Variants in ABTB2 observed in about 807,000 individuals in gnomAD.
The protein encoded by ABTB2 is ankyrin repeat and BTB domain containing 2.
A neutral mutation model predicts 104.1 loss-of-function variants in ABTB2; 56 were observed. The observed-to-expected ratio is 0.54, with a 90% confidence interval of 0.43 to 0.67. The LOEUF (loss-of-function observed/expected upper bound fraction) is 0.67, where lower values mean the gene tolerates loss of function less well. Among genes scored for constraint, ABTB2 ranks in the 30% least tolerant of loss-of-function variants. The pLI is 0.00. For synonymous variants in ABTB2, 606 were observed against 608.2 expected, an observed-to-expected ratio of 1.00 and a Z score of 0.05; for missense variants, 1,279 against 1,407.7, an observed-to-expected ratio of 0.91 and a Z score of 1.46.
chr11:34,245,960 A>G (rs1853978795), intron 1 of ABTB2, among the ~76,000 whole-genome samples: 1 of 152,206 alleles, frequency 6.6e-6, no homozygotes, highest in Non-Finnish European at 1.5e-5. Flanking sequence ...AGCAGGGGAG[A>G]GAGGCCCTCC....
chr11:34,244,424 A>G lies in ABTB2; in HGVS notation c.884-39734T>C, dbSNP rs117372422. On this transcript the variant is annotated intron_variant, in intron 1 of 16. Transcript: ENST00000435224. Reference sequence around the variant, plus strand: ...CCCTGCACATTTTTAGCATGTGACTAGAATAATCCACATCAGGGCCCCTAG... The same window carrying G: ...CCCTGCACATTTTTAGCATGTGACTGGAATAATCCACATCAGGGCCCCTAG... Among the ~76,000 whole-genome samples, 15 of 152,344 alleles carry G rather than the reference A, an allele frequency of 9.8e-5. No homozygotes were observed. The East Asian group carries it at 2.9e-3, about 29-fold the overall frequency.
chr11:34,197,540 TG>T lies in ABTB2; in HGVS notation c.1031-3del. ...GCATGGCACGGGAGACCAAGTCACC[TG>T]GTGGGGGGCGGGGAGGGCAGAGGGG... On this transcript the variant is annotated splice_polypyrimidine_tract_variant and splice_region_variant and intron_variant, in intron 2 of 16. Coordinates refer to ENST00000435224, the MANE Select transcript of ABTB2 (RefSeq NM_145804.3). 6.4e-7 allele frequency: 1 copy of T among 1,565,168 alleles called. No individual in the cohort carries two copies. The highest frequency in any genetic ancestry group is 8.6e-7 in the Non-Finnish European group (1 of 1,161,472).
chr11:34,316,207 G>A (rs1445884911), intron 1 of ABTB2, among the ~76,000 whole-genome samples: 1 of 152,172 alleles, frequency 6.6e-6, no homozygotes, highest in African/African-American at 2.4e-5. Flanking sequence ...AGCACCCAAC[G>A]TGAGGCTGTG....
At chr11:34,348,619 C>T (rs1317579899) in intron 1 of ABTB2, among the ~76,000 whole-genome samples, 1 of 152,196 alleles carries the variant, frequency 6.6e-6, no homozygotes, top group Non-Finnish European at 1.5e-5. Context: ...TGACTTCCTT[C>T]CACCCAGACA....
At chr11:34,262,694 T>C (rs1336050549) in intron 1 of ABTB2, among the ~76,000 whole-genome samples, 3 of 152,194 alleles carry the variant, frequency 2.0e-5, no homozygotes, top group African/African-American at 7.2e-5. Flanking sequence ...AGCATTGTCC[T>C]AGCAAAGCTC....
intron 1 of ABTB2, among the ~76,000 whole-genome samples, chr11:34,215,649 C>A (rs1370303498): frequency 6.6e-6 from 1 of 152,216 alleles, no homozygotes; most frequent in African/African-American, 2.4e-5. Flanking sequence ...GTTACTTGAG[C>A]TCTCTGAGCC....
chr11:34,193,217 T>C (rs900150140), intron 3 of ABTB2, among the ~76,000 whole-genome samples: 7 of 152,248 alleles, frequency 4.6e-5, no homozygotes, highest in African/African-American at 1.7e-4. Context: ...TCTCCGGTGA[T>C]GACACACCCT....
At chr11:34,258,615 T>G (rs11032585) in intron 1 of ABTB2, among the ~76,000 whole-genome samples, 2 of 146,720 alleles carry the variant, frequency 1.4e-5, no homozygotes, top group African/African-American at 5.1e-5. Flanking sequence ...CTTTTTTTTT[T>G]TTTTTTTTTT....
rs116632785 is a variant in ABTB2 at position 34,159,303 on chromosome 11, A to G, written c.2690T>C (p.Ile897Thr). The change falls in exon 14 of 17, where the codon ATT becomes ACT. Residue 897 changes from isoleucine to threonine, a missense_variant. Ile to Thr is a moderately conservative substitution (Grantham distance 89). Transcript: ENST00000435224. ...TIEISDMKYH[I>T]FQMMMQYLYY... ...GCACCAAGACCCACACACCTGAAAAATGTGGTACTTCATGTCGCTGATCTC... is the reference window on the plus strand; with the variant it reads ...GCACCAAGACCCACACACCTGAAAAGTGTGGTACTTCATGTCGCTGATCTC... 1.8e-4 allele frequency: 286 copies of G among 1,613,492 alleles called. 3 individuals carry two copies. In the East Asian group the frequency reaches 6.3e-3, roughly 36 times the overall value.
intron 1 of ABTB2, among the ~76,000 whole-genome samples, chr11:34,236,686 T>C (rs951358596): frequency 2.0e-5 from 3 of 152,150 alleles, no homozygotes; most frequent in African/African-American, 7.2e-5. Flanking sequence ...TGCCGATACA[T>C]CAGGCCTGTT....
intron 3 of ABTB2, among the ~76,000 whole-genome samples, chr11:34,186,892 G>C (rs141332436): frequency 0.014 from 2,148 of 152,332 alleles, 21 homozygotes; most frequent in Non-Finnish European, 0.022. Flanking sequence ...TCTGGGAAAA[G>C]GAGGTGCTGA....
chr11:34,306,948 C>A (rs1314933895), intron 1 of ABTB2, among the ~76,000 whole-genome samples: 1 of 123,528 alleles, frequency 8.1e-6, no homozygotes, highest in Non-Finnish European at 1.6e-5. Flanking sequence ...CCAGCCATAG[C>A]AAGCAATGAC....
At chr11:34,335,226 G>A (rs1311628566) in intron 1 of ABTB2, 4 of 1,278,076 alleles carry the variant, frequency 3.1e-6, no homozygotes, top group South Asian at 1.2e-5. Context: ...TTTAAGCATC[G>A]AAGGTCATCA....
At chr11:34,194,597 T>TAAGC (rs1168381247) in intron 3 of ABTB2, among the ~76,000 whole-genome samples, 2 of 152,110 alleles carry the variant, frequency 1.3e-5, no homozygotes, top group Non-Finnish European at 2.9e-5. Flanking sequence ...AGTAATGCTG[T>TAAGC]AAGCTCAGCG....
Position 34,159,858 on chromosome 11 carries a change from G to GTGCT in ABTB2, c.2606+44_2606+47dup, listed in dbSNP as rs143738329. ...TCTGTCACCTGGAATCTGAAACAAG[G>GTGCT]TGCTTCTGTGCCCCTGGGCTGGGAG... On this transcript the variant is annotated intron_variant, in intron 13 of 16. Transcript: ENST00000435224. 4.4e-3 allele frequency: 6,376 copies of GTGCT among 1,451,122 alleles called. 176 individuals carry two copies. In the African/African-American group the frequency reaches 0.077, roughly 18 times the overall value. 89.9% of individuals were successfully genotyped at this position (1,451,122 alleles called of 1,614,324 possible). A position where few individuals can be genotyped will look rare whatever the true frequency, so the allele number is the denominator to read the frequency against.
Position 34,195,075 on chromosome 11 carries a change from C to CGGGGGTG in ABTB2, c.1244+2249_1244+2250insCACCCCC, listed in dbSNP as rs1554982293. On this transcript the variant is annotated intron_variant, in intron 3 of 16. Transcript: ENST00000435224. ...CACAGGACATGACAAAGATGCCCGGCGGGGGGGGGGAGTGGGGGCGGGAGA... is the reference window on the plus strand; with the variant it reads ...CACAGGACATGACAAAGATGCCCGGCGGGGGTGGGGGGGGGGGAGTGGGGGCGGGAGA... Among the ~76,000 whole-genome samples the CGGGGGTG allele has an allele frequency of 1.7e-4, 3 of 18,076 alleles. No homozygotes were observed. The Admixed American group carries it at 2.0e-3, about 12-fold the overall frequency. 11.9% of individuals were successfully genotyped at this position (18,076 alleles called of 152,430 possible).
In ABTB2 at chr11:34,161,061, T is replaced by A; in HGVS notation, c.2239A>T (p.Ile747Phe). 1 of 1,610,426 alleles carries A rather than the reference T, an allele frequency of 6.2e-7. No individual in the cohort carries two copies. The highest frequency in any genetic ancestry group is 8.5e-7 in the Non-Finnish European group (1 of 1,178,340). Residue 747 changes from isoleucine (I) to phenylalanine (F), a missense_variant, in exon 11 of 17, where the codon ATC becomes TTC. By Grantham distance (21) the Ile-to-Phe change is conservative (BLOSUM62 0). Coordinates refer to ENST00000435224, the MANE Select transcript of ABTB2 (RefSeq NM_145804.3). The stretch of plus-strand genomic sequence containing the variant: ...GAGGTCCTCAGAGACTCGATCCAGA[T>A]GTGCAGCTTCCAGGGGACTCCTGGT... Reference protein sequence around the residue: ...RALGVPWKLHIWIESLRTSFS... With the variant: ...RALGVPWKLHFWIESLRTSFS...
At chr11:34,293,277 G>A (rs996880701) in intron 1 of ABTB2, among the ~76,000 whole-genome samples, 1 of 152,076 alleles carries the variant, frequency 6.6e-6, no homozygotes, top group East Asian at 1.9e-4. Flanking sequence ...GCAGTTCTGG[G>A]CAGGGGACAC....
chr11:34,344,335 A>G (rs923111255), intron 1 of ABTB2, among the ~76,000 whole-genome samples: 1 of 152,208 alleles, frequency 6.6e-6, no homozygotes, highest in Non-Finnish European at 1.5e-5. Context: ...TTTTATGGCC[A>G]TCAGCCAAAG....
Sources: allele counts gnomAD v4.1 joint callset (sites outside exome capture counted in the v4.1 genomes callset), GRCh38; gene constraint gnomAD v4.1.1; transcripts MANE v1.5; gene names NCBI Gene and HGNC (gene_info 2026-07-23, HGNC 2026-07-21).